The following ARID4B variants were observed in gnomAD, a reference collection of about 807,000 sequenced individuals.
The protein encoded by ARID4B is AT-rich interactive domain-containing protein 4B.
In ARID4B, 26 loss-of-function variants were observed where a neutral mutation model predicts 147.5. The ratio of observed to expected loss-of-function variants is 0.18; its 90% CI spans 0.13 to 0.24. The LOEUF is 0.24. ARID4B is among the 10% of genes least tolerant of loss of function. The probability of loss-of-function intolerance (pLI) is 1.00; values close to 1 mark genes in which losing one functional copy is unlikely to be tolerated. For synonymous variants in ARID4B, 512 were observed against 507.9 expected, an observed-to-expected ratio of 1.01 and a Z score of -0.11; for missense variants, 1,179 against 1,511.5, an observed-to-expected ratio of 0.78 and a Z score of 3.65.
At position 235,298,778 on chromosome 1, in the gene ARID4B, C is replaced by A. The variant is rs1404717499; in HGVS notation, c.6+28136G>T. On this transcript the variant is annotated intron_variant, in intron 2 of 23. Transcript: ENST00000264183. Reference sequence around the variant, plus strand: ...TATCTCTTTCATCAACACCTAATCACAGTTAATACTACAATCAGAACAATT... The same window carrying A: ...TATCTCTTTCATCAACACCTAATCAAAGTTAATACTACAATCAGAACAATT... Among the ~76,000 whole-genome samples, 3 of 152,210 alleles carry A rather than the reference C, an allele frequency of 2.0e-5. No individual in the cohort carries two copies. The East Asian group carries it at 5.8e-4, about 29-fold the overall frequency.
At position 235,175,331 on chromosome 1, in the gene ARID4B, C is replaced by G; in HGVS notation, c.3517G>C (p.Val1173Leu). The G allele has an allele frequency of 1.2e-6, 2 of 1,614,140 alleles. No homozygotes were observed. Among genetic ancestry groups the G allele is most frequent in the African/African-American group, 2.7e-5 (2 of 75,044 alleles). Residue 1173 changes from valine to leucine, a missense_variant, in exon 22 of 24, where the codon GTT becomes CTT. This residue lies in a region of ARID4B where 357 missense variants were observed against 427.3 expected (regional missense o/e 0.84). Coordinates refer to ENST00000264183, the MANE Select transcript of ARID4B (RefSeq NM_016374.6). ...SITKSQPVKS[V>L]STGMKSHSTK... Reference sequence around the variant, plus strand: ...CTATGAGACTTCATTCCAGTGGAAACTGATTTGACTGGCTGACTCTTAGTT... The same window carrying G: ...CTATGAGACTTCATTCCAGTGGAAAGTGATTTGACTGGCTGACTCTTAGTT...
chr1:235,252,229 CA>C (rs1005362131), intron 6 of ARID4B, among the ~76,000 whole-genome samples: 10 of 152,060 alleles, frequency 6.6e-5, no homozygotes, highest in African/African-American at 2.2e-4. Context: ...ATTATGTACT[CA>C]TATTTTGATG....
chr1:235,197,731 G>C (rs953410868), intron 17 of ARID4B, among the ~76,000 whole-genome samples: 5 of 152,166 alleles, frequency 3.3e-5, no homozygotes, highest in Non-Finnish European at 5.9e-5. Context: ...ACCATATATG[G>C]GTTTTTTTGT....
At chr1:235,178,265 A>G in intron 20 of ARID4B, among the ~76,000 whole-genome samples, 1 of 152,208 alleles carries the variant, frequency 6.6e-6, no homozygotes, top group South Asian at 2.1e-4. Flanking sequence ...TTAAGATTCA[A>G]TAAAACCAAA....
intron 6 of ARID4B, among the ~76,000 whole-genome samples, chr1:235,251,788 C>T (rs1188752353): frequency 1.3e-5 from 2 of 152,090 alleles, no homozygotes; most frequent in African/African-American, 4.8e-5. Context: ...CAATGAATAT[C>T]TGTAGACTGG....
rs562739257 is a variant in ARID4B at position 235,191,963 on chromosome 1, AG to A, written c.2125+2049del. On this transcript the variant is annotated intron_variant, in intron 19 of 23. Coordinates refer to ENST00000264183, the MANE Select transcript of ARID4B (RefSeq NM_016374.6). ...CATGGTGGCACACACCTGTAGTTCC[AG>A]CTACTTAGGAGGCTGAGATGGAAAG... 3.5e-3 allele frequency among the ~76,000 whole-genome samples: 531 copies of A among 152,242 alleles called. 2 individuals carry two copies. The highest frequency in any genetic ancestry group is 5.2e-3 in the Non-Finnish European group (355 of 68,022).
intron 2 of ARID4B, among the ~76,000 whole-genome samples, chr1:235,324,872 C>T (rs117804947): frequency 6.6e-6 from 1 of 152,068 alleles, no homozygotes; most frequent in East Asian, 1.9e-4. Context: ...AGTTACAGAT[C>T]GTGCCAGCCA....
chr1:235,327,255 A>C, intron 1 of ARID4B: 9 of 207,450 alleles, frequency 4.3e-5, no homozygotes, highest in Admixed American at 1.2e-4. Context: ...AACTCACAAC[A>C]AGCCCGGCGT....
chr1:235,308,896 C>A (rs1407538781), intron 2 of ARID4B, among the ~76,000 whole-genome samples: 2 of 152,158 alleles, frequency 1.3e-5, no homozygotes, highest in African/African-American at 2.4e-5. Context: ...CCGGCTGCCA[C>A]CCCATCTGGG....
chr1:235,309,449 GCCGCC>G (rs1394495002), intron 2 of ARID4B, among the ~76,000 whole-genome samples: 59 of 148,410 alleles, frequency 4.0e-4, no homozygotes, highest in Non-Finnish European at 5.7e-4. Flanking sequence ...CGCCCGGCCA[GCCGCC>G]CCATCCGGGA....
At chr1:235,319,106 C>CCT (rs1674641022) in intron 2 of ARID4B, among the ~76,000 whole-genome samples, 1 of 152,070 alleles carries the variant, frequency 6.6e-6, no homozygotes, top group South Asian at 2.1e-4. Context: ...CTAGGTAACA[C>CCT]AGCAAGACCT....
chr1:235,283,167 A>G (rs949408331), intron 2 of ARID4B, among the ~76,000 whole-genome samples: 22 of 152,222 alleles, frequency 1.4e-4, no homozygotes, highest in African/African-American at 4.8e-4. Flanking sequence ...GTAGATAAAT[A>G]AAAAAGTATT....
At chr1:235,250,395 T>C (rs1297707475) in intron 6 of ARID4B, among the ~76,000 whole-genome samples, 2 of 152,140 alleles carry the variant, frequency 1.3e-5, no homozygotes, top group Non-Finnish European at 2.9e-5. Context: ...GAAAAGAACA[T>C]ACAGATGGTA....
chr1:235,248,194 G>A (rs1669421746), intron 6 of ARID4B, among the ~76,000 whole-genome samples: 1 of 152,006 alleles, frequency 6.6e-6, no homozygotes, highest in African/African-American at 2.4e-5. Flanking sequence ...TAGGACCACA[G>A]GTGTGCACTA....
At chr1:235,293,827 C>T (rs1672497532) in intron 2 of ARID4B, among the ~76,000 whole-genome samples, 1 of 150,956 alleles carries the variant, frequency 6.6e-6, no homozygotes, top group South Asian at 2.1e-4. Context: ...TATATATATA[C>T]CAGACTTTTA....
At chr1:235,173,591 T>C (rs1663524885) in intron 22 of ARID4B, among the ~76,000 whole-genome samples, 1 of 147,882 alleles carries the variant, frequency 6.8e-6, no homozygotes, top group Non-Finnish European at 1.5e-5. Context: ...AACTCTAGAG[T>C]AGTATTAAAA....
intron 20 of ARID4B, among the ~76,000 whole-genome samples, chr1:235,179,536 A>AC (rs1173534920): frequency 1.8e-5 from 2 of 110,106 alleles, no homozygotes; most frequent in Non-Finnish European, 3.8e-5. Flanking sequence ...AAAAAAAAAA[A>AC]AAAAAAAAAA....
chr1:235,207,591 T>G (rs919893084), intron 17 of ARID4B, among the ~76,000 whole-genome samples: 2 of 152,122 alleles, frequency 1.3e-5, no homozygotes, highest in African/African-American at 4.8e-5. Flanking sequence ...GGTGGTAGGA[T>G]CAATACCTTA....
chr1:235,306,702 C>G (rs1476303708), intron 2 of ARID4B, among the ~76,000 whole-genome samples: 2 of 152,022 alleles, frequency 1.3e-5, no homozygotes, highest in Non-Finnish European at 2.9e-5. Context: ...GTCGCCCAGG[C>G]TGGAGTGCAG....
Sources: allele counts gnomAD v4.1 joint callset (sites outside exome capture counted in the v4.1 genomes callset), GRCh38; gene constraint gnomAD v4.1.1; regional missense constraint gnomAD v4.1.1; transcripts MANE v1.5; gene names NCBI Gene and HGNC (gene_info 2026-07-23, HGNC 2026-07-21).